Variants in ACSM3 observed in about 807,000 individuals in gnomAD.
ACSM3 encodes the protein acyl-CoA synthetase medium chain family member 3.
Under a neutral mutation model 74.1 loss-of-function variants are expected in ACSM3, and 61 were observed. The observed-to-expected ratio is 0.82, with a 90% CI of 0.67 to 1.02. ACSM3 has a LOEUF of 1.02. Ranked by LOEUF, ACSM3 falls within the 50% of genes least tolerant of loss-of-function variation. ACSM3 has a pLI of 0.00. For missense variants in ACSM3, 660 were observed against 697.0 expected, an observed-to-expected ratio of 0.95 and a Z score of 0.60; for synonymous variants, 213 against 241.5, an observed-to-expected ratio of 0.88 and a Z score of 1.09.
intron 1 of ACSM3, 126 bp from the exon 2 acceptor site, chr16:20,769,858 C>T (rs968640671): frequency 2.3e-5 from 14 of 614,300 alleles, no homozygotes; most frequent in African/African-American, 2.0e-4. Flanking sequence ...GTTTGGAACA[C>T]AGAGTGTACG....
At chr16:20,739,553 G>A (rs752081351) in intron 1 of ACSM3, among the ~76,000 whole-genome samples, 4 of 152,126 alleles carry the variant, frequency 2.6e-5, no homozygotes, top group African/African-American at 4.8e-5. Flanking sequence ...GGAAGTGGTG[G>A]CTCATGCCCA....
At chr16:20,721,087 T>C (rs1270939959) in intron 1 of ACSM3, 1 of 152,182 alleles carries the variant, frequency 6.6e-6, no homozygotes, top group Non-Finnish European at 1.5e-5. Flanking sequence ...GTACAATGTG[T>C]TTGCAGCTTT....
In ACSM3 at chr16:20,775,927, T is replaced by C; in HGVS notation, c.308T>C (p.Leu103Pro). 6.2e-7 allele frequency: 1 copy of C among 1,614,114 alleles called. No individual in the cohort carries two copies. The highest frequency in any genetic ancestry group is 8.5e-7 in the Non-Finnish European group (1 of 1,179,942). ...TGGAGTTTTGAGGAACTGGGATCTCTGTCCAGAAAATTTGCCAATATACTT... is the reference window on the plus strand; with the variant it reads ...TGGAGTTTTGAGGAACTGGGATCTCCGTCCAGAAAATTTGCCAATATACTT... ...MRWSFEELGSLSRKFANILSE... is the reference protein window; with the variant it reads ...MRWSFEELGSPSRKFANILSE... Residue 103 changes from leucine to proline, a missense_variant, in exon 3 of 14, where the codon CTG becomes CCG. Physicochemically the swap from Leu to Pro is moderately conservative, Grantham distance 98. Transcript: ENST00000289416.
At chr16:20,700,863 AG>A (rs1480120438) in intron 1 of ACSM3, among the ~76,000 whole-genome samples, 4 of 152,224 alleles carry the variant, frequency 2.6e-5, no homozygotes, top group African/African-American at 9.6e-5. Context: ...AGTTCTGTGG[AG>A]AAGATATTTT....
At position 20,783,586 on chromosome 16, in the gene ACSM3, T is replaced by A. The variant is rs1293257138; in HGVS notation, c.1020-1398T>A. 3 of 152,294 alleles carry A rather than the reference T, an allele frequency of 2.0e-5. No individual in the cohort carries two copies. In the East Asian group the frequency reaches 5.8e-4, roughly 29 times the overall value. 9.4% of individuals were successfully genotyped at this position (152,294 alleles called of 1,614,324 possible). The stretch of plus-strand genomic sequence containing the variant: ...TATGTATTTCTTGTTATAGCTCATA[T>A]CACAGGTAAATATATTTAAACTGAT... On this transcript the variant is annotated intron_variant, in intron 7 of 13. Coordinates refer to ENST00000289416, the MANE Select transcript of ACSM3 (RefSeq NM_005622.4).
intron 1 of ACSM3, among the ~76,000 whole-genome samples, chr16:20,705,143 C>G (rs751491041): frequency 6.6e-6 from 1 of 152,058 alleles, no homozygotes; most frequent in African/African-American, 2.4e-5. Context: ...GAGGCCGAGG[C>G]GGGCAGATCA....
chr16:20,725,958 C>T (rs184169538), intron 1 of ACSM3, among the ~76,000 whole-genome samples: 10 of 151,954 alleles, frequency 6.6e-5, no homozygotes, highest in African/African-American at 9.7e-5. Context: ...TGGGCAACAG[C>T]GCAAGACTCC....
intron 1 of ACSM3, among the ~76,000 whole-genome samples, chr16:20,698,218 C>T (rs111340850): frequency 1.3e-5 from 2 of 151,486 alleles, no homozygotes; most frequent in African/African-American, 4.8e-5. Flanking sequence ...AAAAACAAAC[C>T]ACGTATACGA....
chr16:20,760,691 C>G (rs2080069791), upstream of ACSM3, among the ~76,000 whole-genome samples: 2 of 151,998 alleles, frequency 1.3e-5, no homozygotes, highest in South Asian at 4.2e-4. Context: ...TGTTAATATT[C>G]TCTTTTAACT....
intron 1 of ACSM3, among the ~76,000 whole-genome samples, chr16:20,718,697 A>G (rs1037190894): frequency 6.6e-6 from 1 of 152,114 alleles, no homozygotes; most frequent in African/African-American, 2.4e-5. Flanking sequence ...TTAAGAATCG[A>G]CCTTAATTCA....
intron 1 of ACSM3, among the ~76,000 whole-genome samples, chr16:20,678,231 T>A (rs2079353123): frequency 6.6e-6 from 1 of 151,564 alleles, no homozygotes; most frequent in Admixed American, 6.6e-5. Context: ...AGGCTAGCCA[T>A]CCCTGAAACG....
Position 20,675,150 on chromosome 16 carries a change from TG to T in ACSM3, c.-190+332del, listed in dbSNP as rs527823512. Among the ~76,000 whole-genome samples the T allele has an allele frequency of 4.4e-3, 677 of 152,190 alleles. 10 individuals carry two copies. The highest frequency in any genetic ancestry group is 0.016 in the African/African-American group (649 of 41,506). ...GTTCGTTTCCTCTGATGAAGAGTCC[TG>T]GGGTAGAAGTGGTGTGTGTATGTGT... On this transcript the variant is annotated intron_variant, in intron 1 of 3. Transcript: ENST00000561584.
At chr16:20,786,416 C>T (rs2080476435) in intron 9 of ACSM3, 6 of 655,350 alleles carry the variant, frequency 9.2e-6, no homozygotes, top group African/African-American at 1.9e-5. Flanking sequence ...TGCAGTGGCT[C>T]ACGCCTGTAA....
intron 1 of ACSM3, chr16:20,721,764 T>C (rs1320480015): frequency 6.6e-6 from 1 of 152,218 alleles, no homozygotes; most frequent in Non-Finnish European, 1.5e-5. Context: ...GATACGATTG[T>C]ACAGGACTGC....
chr16:20,746,233 A>G (rs113803067), intron 1 of ACSM3, among the ~76,000 whole-genome samples: 1 of 152,202 alleles, frequency 6.6e-6, no homozygotes, highest in African/African-American at 2.4e-5. Flanking sequence ...TTCAGTCAAC[A>G]TGTGCTTAAA....
chr16:20,691,002 C>G (rs745527351), intron 1 of ACSM3: 12 of 1,609,036 alleles, frequency 7.5e-6, no homozygotes, highest in African/African-American at 2.7e-5. Flanking sequence ...CTTACCTTCT[C>G]CTTTTGAGCC....
At chr16:20,738,625 T>C (rs2079891205) in intron 1 of ACSM3, 1 of 403,256 alleles carries the variant, frequency 2.5e-6, no homozygotes, top group African/African-American at 2.0e-5. Flanking sequence ...GAGTAGCAGC[T>C]GCCCCTTATT....
At chr16:20,718,632 G>A (rs555745174) in intron 1 of ACSM3, 6 of 182,420 alleles carry the variant, frequency 3.3e-5, no homozygotes, top group Admixed American at 1.2e-4. Flanking sequence ...TGTGCTGGCC[G>A]TGCCCAACCT....
chr16:20,792,510 G>C, intron 12 of ACSM3, 175 bp downstream of exon 12: 1 of 984,312 alleles, frequency 1.0e-6, no homozygotes, highest in Non-Finnish European at 1.2e-6. Context: ...ATTATGAGTT[G>C]CAGCTCTGAT....
Sources: gnomAD v4.1 joint callset for allele counts (sites outside exome capture counted in the v4.1 genomes callset) on GRCh38, gnomAD v4.1.1 for gene constraint, MANE v1.5 for transcripts, NCBI Gene and HGNC (gene_info 2026-07-23, HGNC 2026-07-21) for gene names.